Variants in HOOK1 observed in about 807,000 individuals in gnomAD.
The protein encoded by HOOK1 is hook microtubule tethering protein 1, also known as protein Hook homolog 1.
A neutral mutation model predicts 112.8 loss-of-function variants in HOOK1; 60 were observed. That is an observed-to-expected ratio of 0.53 (90% CI 0.43 to 0.66). HOOK1 has a LOEUF of 0.66. Ranked by LOEUF, HOOK1 falls within the 30% of genes least tolerant of loss-of-function variation. The pLI is 0.00. For missense variants in HOOK1, 770 were observed against 856.0 expected, an observed-to-expected ratio of 0.90 and a Z score of 1.25; for synonymous variants, 294 against 283.8, an observed-to-expected ratio of 1.04 and a Z score of -0.36.
At chr1:59,823,721 G>A (rs1470911026) in intron 2 of HOOK1, among the ~76,000 whole-genome samples, 2 of 152,202 alleles carry the variant, frequency 1.3e-5, no homozygotes, top group African/African-American at 2.4e-5. Context: ...CCTGATGTTT[G>A]GAGTAGAGTC....
At position 59,859,018 on chromosome 1, in the gene HOOK1, C is replaced by T. The variant is rs768072405; in HGVS notation, c.1364C>T (p.Ala455Val). The T allele has an allele frequency of 1.6e-5, 25 of 1,570,632 alleles. No homozygotes were observed. Among genetic ancestry groups the T allele is most frequent in the East Asian group, 4.6e-5 (2 of 43,586 alleles). ...ASATKSYENL[A>V]AEIMPVEYRE... ...GCTACAAAAAGTTATGAGAATCTTG[C>T]TGCTGAGATTATGCCAGTGGAATAT... Residue 455 changes from alanine (A) to valine (V), a missense_variant, in exon 14 of 22, where the codon GCT (alanine) becomes GTT (valine). Ala to Val is a moderately conservative substitution (Grantham distance 64, BLOSUM62 0). This residue lies in a region of HOOK1 where 655 missense variants were observed against 725.9 expected (regional missense o/e 0.90). Coordinates refer to ENST00000371208, the MANE Select transcript of HOOK1 (RefSeq NM_015888.6).
chr1:59,816,536 G>A (rs1239186199), intron 1 of HOOK1, among the ~76,000 whole-genome samples: 2 of 152,186 alleles, frequency 1.3e-5, no homozygotes, highest in African/African-American at 2.4e-5. Flanking sequence ...TAGTCTTTAT[G>A]ATGTCATTGA....
intron 12 of HOOK1, among the ~76,000 whole-genome samples, chr1:59,849,405 C>T (rs775201189): frequency 2.0e-5 from 3 of 151,474 alleles, no homozygotes; most frequent in Non-Finnish European, 3.0e-5. Flanking sequence ...TCATAAGTCT[C>T]AATGAATATT....
At chr1:59,856,222 G>T (rs1472654523) in intron 12 of HOOK1, among the ~76,000 whole-genome samples, 1 of 149,246 alleles carries the variant, frequency 6.7e-6, no homozygotes, top group Non-Finnish European at 1.5e-5. Flanking sequence ...TGGGATTCCA[G>T]GCATGAGCTA....
chr1:59,861,581 A>T (rs1383229122), intron 15 of HOOK1, among the ~76,000 whole-genome samples: 27 of 152,188 alleles, frequency 1.8e-4, no homozygotes, highest in Admixed American at 1.7e-3. Context: ...AATAGTAACC[A>T]TGTAGTAACC....
In HOOK1 at chr1:59,848,343, G is replaced by C. The variant is rs1354054583; in HGVS notation, c.958G>C (p.Glu320Gln). Residue 320 changes from glutamate to glutamine, a missense_variant, in exon 11 of 22, where the codon GAG becomes CAG. Around this residue, in one of 3 missense-constraint regions of HOOK1, gnomAD observed 655 missense variants for 725.9 expected, o/e 0.90. Coordinates refer to ENST00000371208, the MANE Select transcript of HOOK1 (RefSeq NM_015888.6). ...RATSDKANKL[E>Q]STVEIYRQKL... ...TACCTCTGATAAAGCAAATAAACTGGAGTCAACAGTTGAGATATATCGTCA... is the reference window on the plus strand; with the variant it reads ...TACCTCTGATAAAGCAAATAAACTGCAGTCAACAGTTGAGATATATCGTCA... The C allele has an allele frequency of 6.2e-7, 1 of 1,610,654 alleles. No individual in the cohort carries two copies. The highest frequency in any genetic ancestry group is 8.5e-7 in the Non-Finnish European group (1 of 1,177,810).
At chr1:59,834,269 C>T (rs995957383) in intron 5 of HOOK1, among the ~76,000 whole-genome samples, 4 of 152,118 alleles carry the variant, frequency 2.6e-5, no homozygotes, top group Admixed American at 6.6e-5. Context: ...AATGCAAATA[C>T]TTCAAGCCAG....
intron 4 of HOOK1, among the ~76,000 whole-genome samples, chr1:59,832,833 T>C (rs1279546209): frequency 1.3e-5 from 2 of 152,056 alleles, no homozygotes; most frequent in Non-Finnish European, 2.9e-5. Context: ...TGTAATTTCT[T>C]CCCAAAATGT....
chr1:59,818,145 G>A (rs1238744742), intron 1 of HOOK1, among the ~76,000 whole-genome samples: 2 of 152,182 alleles, frequency 1.3e-5, no homozygotes. Context: ...AGAGACACTA[G>A]TAGTAAAACA....
At chr1:59,833,310 C>T (rs1249683757) in intron 4 of HOOK1, 95 bp from the exon 5 acceptor site, 13 of 913,046 alleles carry the variant, frequency 1.4e-5, no homozygotes, top group East Asian at 3.0e-5. Flanking sequence ...TGAGTTGTTT[C>T]GTGAATTTAT....
intron 3 of HOOK1, among the ~76,000 whole-genome samples, chr1:59,829,841 T>A (rs996087417): frequency 1.3e-5 from 2 of 152,024 alleles, no homozygotes; most frequent in African/African-American, 4.8e-5. Flanking sequence ...CTCTAAACCC[T>A]TTTTTCCCCT....
chr1:59,846,235 T>C (rs1323288350), intron 9 of HOOK1, among the ~76,000 whole-genome samples: 1 of 151,786 alleles, frequency 6.6e-6, no homozygotes, highest in African/African-American at 2.4e-5. Context: ...CATAATATTC[T>C]TTTTTTATCG....
intron 3 of HOOK1, among the ~76,000 whole-genome samples, chr1:59,831,019 G>C (rs544366508): frequency 6.6e-6 from 1 of 151,562 alleles, no homozygotes; most frequent in African/African-American, 2.4e-5. Flanking sequence ...TTCTGCCTCA[G>C]CCTCCCGAGT....
chr1:59,832,037 G>C (rs1295975216), intron 3 of HOOK1, 126 bp from the exon 4 acceptor site: 5 of 523,908 alleles, frequency 9.5e-6, no homozygotes, highest in Non-Finnish European at 1.7e-5. Flanking sequence ...TGTATTTATA[G>C]AACTCTATTA....
In HOOK1 at chr1:59,871,038, C is replaced by G. The variant is rs374355973; in HGVS notation, c.1948-4C>G. On this transcript the variant is annotated splice_polypyrimidine_tract_variant and splice_region_variant and intron_variant, in intron 20 of 21. Transcript: ENST00000371208. ...TTTTAATTGTTCTCATATCTTTTTT[C>G]CAGAGTGAATGCAAAGTAGCAAAAT... is the stretch of plus-strand genomic sequence containing the variant. 13 of 1,587,482 alleles carry G rather than the reference C, an allele frequency of 8.2e-6. No homozygotes were observed. In the African/African-American group the frequency reaches 1.5e-4, roughly 18 times the overall value.
At position 59,865,156 on chromosome 1, in the gene HOOK1, C is replaced by T. The variant is rs748750202; in HGVS notation, c.1662-7C>T. ...AGACCAGTCTCCATGCTTTTTCTAC[C>T]ACTTAGGGAAAAACTCACAGAGGTC... On this transcript the variant is annotated splice_region_variant and splice_polypyrimidine_tract_variant and intron_variant, in intron 17 of 21. Coordinates refer to ENST00000371208, the MANE Select transcript of HOOK1 (RefSeq NM_015888.6). 3 of 1,572,534 alleles carry T rather than the reference C, an allele frequency of 1.9e-6. No homozygotes were observed. In the African/African-American group the frequency reaches 4.1e-5, roughly 21 times the overall value.
At chr1:59,829,726 T>G (rs1390342595) in intron 3 of HOOK1, among the ~76,000 whole-genome samples, 1 of 152,092 alleles carries the variant, frequency 6.6e-6, no homozygotes, top group African/African-American at 2.4e-5. Flanking sequence ...AGAATTAGTG[T>G]ATGTTTTCTA....
chr1:59,858,512 A>G lies in HOOK1; in HGVS notation c.1327A>G (p.Thr443Ala). The G allele has an allele frequency of 2.5e-6, 4 of 1,603,880 alleles. No homozygotes were observed. Among genetic ancestry groups the G allele is most frequent in the East Asian group, 2.2e-5 (1 of 44,828 alleles). The change falls in exon 13 of 22, where the codon ACA becomes GCA. Residue 443 changes from threonine (T) to alanine (A), a missense_variant. Coordinates refer to ENST00000371208, the MANE Select transcript of HOOK1 (RefSeq NM_015888.6). ...SQVQQDHLNQ[T>A]DASATKSYEN... ...AGTACAACAGGACCACCTAAACCAA[A>G]CAGGTTAATTTTGTTAGATTTAGAA...
At position 59,852,694 on chromosome 1, in the gene HOOK1, G is replaced by A. The variant is rs528220124; in HGVS notation, c.1242+3511G>A. The stretch of plus-strand genomic sequence containing the variant: ...TTGGTAAAGGAACACAAATTCCTTT[G>A]TATATAAGTTTTTTTTTCCTAGTTA... On this transcript the variant is annotated intron_variant, in intron 12 of 21. Transcript: ENST00000371208. Among the ~76,000 whole-genome samples the A allele has an allele frequency of 1.6e-3, 238 of 150,826 alleles. 7 individuals carry two copies. In the South Asian group the frequency reaches 0.045, roughly 28 times the overall value.
Sources: gnomAD v4.1 joint callset for allele counts (sites outside exome capture counted in the v4.1 genomes callset) on GRCh38, gnomAD v4.1.1 for gene constraint, gnomAD v4.1.1 regional missense constraint, MANE v1.5 for transcripts, NCBI Gene and HGNC (gene_info 2026-07-23, HGNC 2026-07-21) for gene names.